The following SLC9A9 variants were observed in gnomAD, a reference collection of about 807,000 sequenced individuals.
SLC9A9 encodes the protein sodium/hydrogen exchanger 9.
Under a neutral mutation model 77.8 loss-of-function variants are expected in SLC9A9, and 62 were observed. The observed-to-expected ratio is 0.80, with a 90% CI of 0.65 to 0.98. The LOEUF (loss-of-function observed/expected upper bound fraction) is 0.98, where lower values mean the gene tolerates loss of function less well. Among genes scored for constraint, SLC9A9 ranks in the 50% least tolerant of loss-of-function variants. The pLI, the probability that SLC9A9 is intolerant of heterozygous loss-of-function variation, is 0.00. For synonymous variants in SLC9A9, 320 were observed against 283.5 expected (o/e 1.13, Z -1.29); for missense variants, 775 against 774.9 (o/e 1.00, Z 0.00).
At chr3:143,391,651 C>T (rs1426930305) in intron 12 of SLC9A9, among the ~76,000 whole-genome samples, 1 of 152,160 alleles carries the variant, frequency 6.6e-6, no homozygotes, top group Non-Finnish European at 1.5e-5. Context: ...TCAAACTTCT[C>T]CGAGCTAAAG....
At chr3:143,636,828 T>C (rs115125321) in intron 6 of SLC9A9, among the ~76,000 whole-genome samples, 95 of 152,180 alleles carry the variant, frequency 6.2e-4, no homozygotes, top group African/African-American at 2.2e-3. Context: ...TACTAAAACC[T>C]ACAAACAAGC....
chr3:143,433,447 C>T (rs75625502), intron 12 of SLC9A9, among the ~76,000 whole-genome samples: 1,579 of 152,222 alleles, frequency 0.01, 24 homozygotes, highest in African/African-American at 0.036. Flanking sequence ...ATTCATTACC[C>T]TGGCAGTTTT....
At chr3:143,341,415 T>A (rs561663529) in intron 14 of SLC9A9, among the ~76,000 whole-genome samples, 77 of 152,250 alleles carry the variant, frequency 5.1e-4, no homozygotes, top group Non-Finnish European at 5.7e-4. Flanking sequence ...AAGAGAGTCA[T>A]CCCAGGTCAT....
chr3:143,296,026 T>C lies in SLC9A9; in HGVS notation c.1605-27046A>G, dbSNP rs2030253098. On this transcript the variant is annotated intron_variant, in intron 14 of 15. Transcript: ENST00000316549. ...ATAGTTAATAATGTGGCATTGCCCA[T>C]CAGAGCTGGATAACTTTTTTCTTGA... 4.6e-5 allele frequency among the ~76,000 whole-genome samples: 7 copies of C among 152,338 alleles called. No homozygotes were observed. The South Asian group carries it at 1.5e-3, about 32-fold the overall frequency.
chr3:143,668,758 C>T (rs1015272575), intron 5 of SLC9A9, among the ~76,000 whole-genome samples: 2 of 152,220 alleles, frequency 1.3e-5, no homozygotes, highest in Non-Finnish European at 2.9e-5. Flanking sequence ...AGGATCAGAA[C>T]AGCTCCTTTT....
intron 14 of SLC9A9, among the ~76,000 whole-genome samples, chr3:143,278,813 C>T (rs1559849513): frequency 6.6e-6 from 1 of 152,174 alleles, no homozygotes; most frequent in Non-Finnish European, 1.5e-5. Context: ...CTCAGAACAC[C>T]TTGCTACTTC....
At chr3:143,780,991 C>T (rs979678633) in intron 4 of SLC9A9, among the ~76,000 whole-genome samples, 1 of 152,126 alleles carries the variant, frequency 6.6e-6, no homozygotes, top group African/African-American at 2.4e-5. Context: ...ATACATCCCC[C>T]TGCCTGAAAT....
intron 4 of SLC9A9, among the ~76,000 whole-genome samples, chr3:143,739,839 C>T (rs1359686939): frequency 6.6e-6 from 1 of 152,180 alleles, no homozygotes; most frequent in African/African-American, 2.4e-5. Context: ...TCTCAGGCCC[C>T]ACCCCAGACT....
chr3:143,467,320 T>G, intron 11 of SLC9A9, 130 bp from the exon 12 acceptor site: 1 of 1,059,958 alleles, frequency 9.4e-7, no homozygotes, highest in East Asian at 2.6e-5. Flanking sequence ...AATTATAGAT[T>G]CATAAAGAGT....
At chr3:143,844,848 T>C (rs2009798930) in intron 1 of SLC9A9, among the ~76,000 whole-genome samples, 1 of 151,554 alleles carries the variant, frequency 6.6e-6, no homozygotes, top group Non-Finnish European at 1.5e-5. Context: ...AGTGGCACAA[T>C]CATAGCTCAA....
chr3:143,518,507 C>T (rs1036027376), intron 9 of SLC9A9, among the ~76,000 whole-genome samples: 5 of 152,230 alleles, frequency 3.3e-5, no homozygotes, highest in East Asian at 1.9e-4. Flanking sequence ...TCCATCCCAT[C>T]GTGTCCACCG....
rs371325755 is a variant in SLC9A9 at position 143,363,441 on chromosome 3, T to C, written c.1604+43A>G. The C allele has an allele frequency of 6.1e-5, 96 of 1,569,092 alleles. No homozygotes were observed. In the African/African-American group the frequency reaches 1.1e-3, roughly 18 times the overall value. Reference sequence around the variant, plus strand: ...TGATTAAGAGCTTAAAGTAATTCTCTGCCTGCAGCAGGATCTGTGAGATCG... The same window carrying C: ...TGATTAAGAGCTTAAAGTAATTCTCCGCCTGCAGCAGGATCTGTGAGATCG... On this transcript the variant is annotated intron_variant, in intron 14 of 15. Coordinates refer to ENST00000316549, the MANE Select transcript of SLC9A9 (RefSeq NM_173653.4).
intron 4 of SLC9A9, among the ~76,000 whole-genome samples, chr3:143,765,164 TCCTC>T (rs1176459367): frequency 6.6e-6 from 1 of 150,726 alleles, no homozygotes; most frequent in East Asian, 1.9e-4. Flanking sequence ...TTTCTTTCTT[TCCTC>T]CCTCCCTCAG....
intron 4 of SLC9A9, among the ~76,000 whole-genome samples, chr3:143,745,619 CT>C (rs1486406983): frequency 6.6e-6 from 1 of 152,132 alleles, no homozygotes; most frequent in African/African-American, 2.4e-5. Context: ...ATTAGGGCCG[CT>C]GTGTATTTTT....
At chr3:143,279,759 G>C (rs1938160673) in intron 14 of SLC9A9, among the ~76,000 whole-genome samples, 1 of 152,146 alleles carries the variant, frequency 6.6e-6, no homozygotes, top group South Asian at 2.1e-4. Flanking sequence ...CTTTTTTATG[G>C]CTGCGTAGTA....
At chr3:143,742,118 A>T (rs1447962821) in intron 4 of SLC9A9, among the ~76,000 whole-genome samples, 1 of 152,046 alleles carries the variant, frequency 6.6e-6, no homozygotes, top group Non-Finnish European at 1.5e-5. Flanking sequence ...CAGACCCTGC[A>T]CTTGATGGAT....
chr3:143,659,500 C>T (rs1284067267), intron 5 of SLC9A9, among the ~76,000 whole-genome samples: 1 of 152,150 alleles, frequency 6.6e-6, no homozygotes, highest in Non-Finnish European at 1.5e-5. Context: ...CACAAAGGGA[C>T]ATTACAGAAC....
chr3:143,496,581 G>T (rs1445462218), intron 9 of SLC9A9, among the ~76,000 whole-genome samples: 3 of 152,182 alleles, frequency 2.0e-5, no homozygotes, highest in African/African-American at 7.2e-5. Flanking sequence ...ACAGCCCTTT[G>T]GTACAAGATA....
At chr3:143,320,378 G>A (rs1392944081) in intron 14 of SLC9A9, among the ~76,000 whole-genome samples, 1 of 152,226 alleles carries the variant, frequency 6.6e-6, no homozygotes, top group Non-Finnish European at 1.5e-5. Context: ...TTATGTGTTA[G>A]TCTTCTTGTG....
Sources: gnomAD v4.1 joint callset for allele counts (sites outside exome capture counted in the v4.1 genomes callset) on GRCh38, gnomAD v4.1.1 for gene constraint, MANE v1.5 for transcripts, NCBI Gene and HGNC (gene_info 2026-07-23, HGNC 2026-07-21) for gene names.